PARD3: variants seen among roughly 807,000 people sequenced by gnomAD.
PARD3 encodes par-3 family cell polarity regulator.
A neutral mutation model predicts 155.4 loss-of-function variants in PARD3; 75 were observed. The observed-to-expected ratio is 0.48, with a 90% CI of 0.40 to 0.58. The LOEUF is 0.58. PARD3 is among the 20% of genes least tolerant of loss of function. PARD3 has a pLI of 0.00. For missense variants in PARD3, 1,642 were observed against 1,721.7 expected, an observed-to-expected ratio of 0.95 and a Z score of 0.82; for synonymous variants, 576 against 610.5, an observed-to-expected ratio of 0.94 and a Z score of 0.83.
intron 22 of PARD3, among the ~76,000 whole-genome samples, chr10:34,179,170 A>ACG (rs1343979317): frequency 1.3e-5 from 1 of 78,484 alleles, no homozygotes; most frequent in Non-Finnish European, 2.3e-5. Context: ...GCGTGCGCGC[A>ACG]CACACACACA....
intron 20 of PARD3, among the ~76,000 whole-genome samples, chr10:34,301,761 C>T (rs1326260935): frequency 6.6e-6 from 1 of 151,958 alleles, no homozygotes; most frequent in African/African-American, 2.4e-5. Flanking sequence ...TGTGACTATC[C>T]ACCCAGCTGA....
chr10:34,326,466 G>A (rs1835043378), intron 19 of PARD3, among the ~76,000 whole-genome samples: 1 of 152,164 alleles, frequency 6.6e-6, no homozygotes, highest in African/African-American at 2.4e-5. Flanking sequence ...ATAGGAAACA[G>A]TTTACAAAGT....
In PARD3 at chr10:34,470,162, T is replaced by C. The variant is rs778813338; in HGVS notation, c.505A>G (p.Asn169Asp). ...GCTGTTGTTGACCAGCGTGTGGGAT[T>C]TTTCCTTGAAGGCTCTTCAGAGGAA... ...NFSSEEPSRK[N>D]PTRWSTTAGF... is the part of the protein sequence containing the mutation. The change falls in exon 4 of 25, where the codon AAT becomes GAT. Residue 169 changes from asparagine to aspartate, a missense_variant. Asn to Asp is a conservative substitution (Grantham distance 23). This residue lies in a region of PARD3 where 1,529 missense variants were observed against 1,587.3 expected (regional missense o/e 0.96). Transcript: ENST00000374788. The C allele has an allele frequency of 1.2e-6, 2 of 1,613,426 alleles. No individual in the cohort carries two copies. The highest frequency in any genetic ancestry group is 2.2e-5 in the South Asian group (2 of 90,794).
At chr10:34,654,578 G>T (rs1057490139) in intron 2 of PARD3, among the ~76,000 whole-genome samples, 15 of 152,156 alleles carry the variant, frequency 9.9e-5, no homozygotes. Flanking sequence ...AAAAACTCCT[G>T]CATTGCTAAG....
intron 22 of PARD3, among the ~76,000 whole-genome samples, chr10:34,187,942 T>C (rs1439022410): frequency 3.3e-5 from 5 of 152,222 alleles, no homozygotes; most frequent in Admixed American, 6.5e-5. Flanking sequence ...ATGGGACAAC[T>C]AGCTGTCTGG....
At chr10:34,195,964 C>T (rs1950914373) in intron 22 of PARD3, among the ~76,000 whole-genome samples, 2 of 152,206 alleles carry the variant, frequency 1.3e-5, no homozygotes, top group African/African-American at 4.8e-5. Context: ...AAACTAAACC[C>T]ACGTAAAGGG....
chr10:34,640,763 A>G (rs1404252175), intron 2 of PARD3, among the ~76,000 whole-genome samples: 1 of 148,810 alleles, frequency 6.7e-6, no homozygotes, highest in Non-Finnish European at 1.5e-5. Context: ...CAATTTGACA[A>G]CACCTATCCA....
intron 12 of PARD3, among the ~76,000 whole-genome samples, chr10:34,370,059 C>A (rs1298963717): frequency 6.6e-6 from 1 of 152,082 alleles, no homozygotes; most frequent in African/African-American, 2.4e-5. Context: ...AATATTAAGC[C>A]TTTTACAACT....
intron 22 of PARD3, among the ~76,000 whole-genome samples, chr10:34,133,508 T>C (rs1389916253): frequency 6.6e-6 from 1 of 152,222 alleles, no homozygotes; most frequent in East Asian, 1.9e-4. Flanking sequence ...CTTCTTATCA[T>C]ATATACCCTC....
chr10:34,233,183 T>A (rs1953031571), intron 22 of PARD3, among the ~76,000 whole-genome samples: 1 of 151,930 alleles, frequency 6.6e-6, no homozygotes, highest in Non-Finnish European at 1.5e-5. Flanking sequence ...GATATCCTCA[T>A]GTAGCTAAAT....
intron 21 of PARD3, among the ~76,000 whole-genome samples, chr10:34,278,224 T>A (rs1257425630): frequency 6.9e-6 from 1 of 143,968 alleles, no homozygotes; most frequent in African/African-American, 2.6e-5. Flanking sequence ...TTAAAAAAAA[T>A]ATTTTTAGGG....
At chr10:34,222,478 C>G (rs1952355405) in intron 22 of PARD3, among the ~76,000 whole-genome samples, 1 of 152,232 alleles carries the variant, frequency 6.6e-6, no homozygotes, top group African/African-American at 2.4e-5. Flanking sequence ...TATGTACGTA[C>G]CTCGCTGCTC....
chr10:34,537,034 G>C (rs1156626101), intron 2 of PARD3, among the ~76,000 whole-genome samples: 1 of 152,138 alleles, frequency 6.6e-6, no homozygotes, highest in African/African-American at 2.4e-5. Context: ...ACAAGGTCTT[G>C]CTCTGTCATC....
chr10:34,725,160 AGAG>A (rs2094685292), intron 1 of PARD3, among the ~76,000 whole-genome samples: 1 of 149,612 alleles, frequency 6.7e-6, no homozygotes, highest in Admixed American at 6.6e-5. Context: ...TGACAGAGAG[AGAG>A]AGAGAGAGAG....
intron 2 of PARD3, among the ~76,000 whole-genome samples, chr10:34,680,571 T>A (rs1465446663): frequency 3.0e-4 from 33 of 111,648 alleles, no homozygotes; most frequent in South Asian, 3.0e-4. Context: ...AAAAAAAAAA[T>A]GAGGGGAGGG....
At chr10:34,134,421 T>G (rs1442097913) in intron 22 of PARD3, among the ~76,000 whole-genome samples, 1 of 152,328 alleles carries the variant, frequency 6.6e-6, no homozygotes, top group East Asian at 1.9e-4. Flanking sequence ...AGCCCATAAT[T>G]ATTAGGATCA....
chr10:34,626,842 A>G (rs771441886), intron 2 of PARD3, among the ~76,000 whole-genome samples: 17 of 152,168 alleles, frequency 1.1e-4, no homozygotes, highest in Admixed American at 2.6e-4. Context: ...GTGCACATCC[A>G]AAGTGAAATG....
intron 15 of PARD3, chr10:34,343,647 A>C (rs1260654515): frequency 1.0e-6 from 1 of 985,388 alleles, no homozygotes; most frequent in African/African-American, 1.7e-5. Flanking sequence ...ACAGCTAAAA[A>C]ACTTTACATA....
At chr10:34,254,537 C>CGTGTGTGTGTGTGTGT (rs55901749) in intron 22 of PARD3, among the ~76,000 whole-genome samples, 1 of 145,490 alleles carries the variant, frequency 6.9e-6, no homozygotes, top group South Asian at 2.3e-4. Context: ...GGTAGGTAAA[C>CGTGTGTGTGTGTGTGT]GTGTGTGTGT....
Sources: gnomAD v4.1 joint callset for allele counts (sites outside exome capture counted in the v4.1 genomes callset) on GRCh38, gnomAD v4.1.1 for gene constraint, gnomAD v4.1.1 regional missense constraint, MANE v1.5 for transcripts, NCBI Gene and HGNC (gene_info 2026-07-23, HGNC 2026-07-21) for gene names.